Variants in CSGALNACT1 observed in about 807,000 individuals in gnomAD.
The protein encoded by CSGALNACT1 is chondroitin sulfate N-acetylgalactosaminyltransferase 1.
CSGALNACT1 carries 52 observed loss-of-function variants against 51.0 expected under a neutral mutation model. The ratio of observed to expected loss-of-function variants is 1.02; its 90% CI spans 0.82 to 1.29. The LOEUF (loss-of-function observed/expected upper bound fraction) is 1.29. Among genes scored for constraint, CSGALNACT1 ranks in the 50% most tolerant of loss-of-function variants. The pLI is 0.00. For synonymous variants in CSGALNACT1, 341 were observed against 254.4 expected (o/e 1.34, Z -3.24); for missense variants, 935 against 679.2 (o/e 1.38, Z -4.19).
At chr8:19,624,959 G>A (rs2154165315) in intron 1 of CSGALNACT1, among the ~76,000 whole-genome samples, 1 of 152,314 alleles carries the variant, frequency 6.6e-6, no homozygotes, top group African/African-American at 2.4e-5. Flanking sequence ...TTACAGGCGT[G>A]AGCCACTGCA....
Position 19,704,143 on chromosome 8 carries a change from T to C in CSGALNACT1, c.-297+53707A>G, listed in dbSNP as rs1341099447. On this transcript the variant is annotated intron_variant, in intron 1 of 1. Coordinates refer to the CSGALNACT1 transcript ENST00000517494. ...AATTACATAATTACATGGATCATTCTTATTCTCTTCTCTCCCTCCTTTCCT... is the reference window on the plus strand; with the variant it reads ...AATTACATAATTACATGGATCATTCCTATTCTCTTCTCTCCCTCCTTTCCT... Among the ~76,000 whole-genome samples, 37 of 152,214 alleles carry C rather than the reference T, an allele frequency of 2.4e-4. 1 individual carries two copies. Among genetic ancestry groups the C allele is most frequent in the Admixed American group, 2.4e-3 (36 of 15,280 alleles).
intron 5 of CSGALNACT1, among the ~76,000 whole-genome samples, chr8:19,446,520 C>T (rs559346063): frequency 2.0e-5 from 3 of 152,216 alleles, no homozygotes; most frequent in Middle Eastern, 3.4e-3. Context: ...TTCATTCATT[C>T]ATTCACTCAT....
At chr8:19,599,783 G>A (rs1049603859) in intron 2 of CSGALNACT1, among the ~76,000 whole-genome samples, 7 of 152,146 alleles carry the variant, frequency 4.6e-5, no homozygotes, top group African/African-American at 1.7e-4. Flanking sequence ...TATAGACTCA[G>A]GGCTTGAACA....
rs536302848 is a variant in CSGALNACT1, at chr8:19,462,505, T to C, written c.635-3863A>G. 3.6e-4 allele frequency among the ~76,000 whole-genome samples: 55 copies of C among 152,220 alleles called. 1 individual carries two copies. The highest frequency in any genetic ancestry group is 1.3e-3 in the African/African-American group (52 of 41,526). ...TGAAGAACCTAGAGAATGCAGTAAA[T>C]CTTATTCATAACAACTCCTATGAAT... On this transcript the variant is annotated intron_variant, in intron 4 of 9. Coordinates refer to ENST00000454498, the Ensembl canonical transcript of CSGALNACT1.
At chr8:19,495,891 A>G (rs1398976287) in intron 4 of CSGALNACT1, among the ~76,000 whole-genome samples, 2 of 152,198 alleles carry the variant, frequency 1.3e-5, no homozygotes, top group African/African-American at 4.8e-5. Flanking sequence ...AAGGAACAAG[A>G]TATTACCTTT....
chr8:19,528,270 A>T (rs1422829051), intron 3 of CSGALNACT1, among the ~76,000 whole-genome samples: 1 of 151,874 alleles, frequency 6.6e-6, no homozygotes, highest in Non-Finnish European at 1.5e-5. Flanking sequence ...CAGGACTGAG[A>T]AAGAAAAAGA....
intron 1 of CSGALNACT1, among the ~76,000 whole-genome samples, chr8:19,611,895 C>T (rs1589022982): frequency 6.6e-6 from 1 of 151,864 alleles, no homozygotes; most frequent in Admixed American, 6.6e-5. Flanking sequence ...TGACTGTAAA[C>T]GTGGGCAAGC....
At chr8:19,506,762 A>G (rs956905927) in intron 3 of CSGALNACT1, among the ~76,000 whole-genome samples, 3 of 152,152 alleles carry the variant, frequency 2.0e-5, no homozygotes, top group Non-Finnish European at 2.9e-5. Flanking sequence ...CTCCCACCAT[A>G]TAATGCCTGC....
chr8:19,518,423 A>C (rs2079976887), intron 3 of CSGALNACT1, among the ~76,000 whole-genome samples: 1 of 152,064 alleles, frequency 6.6e-6, no homozygotes, highest in Admixed American at 6.5e-5. Context: ...AATCAACTGG[A>C]AAGCTATTTG....
intron 6 of CSGALNACT1, among the ~76,000 whole-genome samples, chr8:19,429,950 G>A (rs1213817878): frequency 6.6e-6 from 1 of 152,180 alleles, no homozygotes; most frequent in East Asian, 1.9e-4. Flanking sequence ...GGTTTCATTT[G>A]CATTTTTCTA....
rs2061763085 is a variant in CSGALNACT1 at position 19,699,778 on chromosome 8, C to T, written c.-297+58072G>A. Among the ~76,000 whole-genome samples the T allele has an allele frequency of 2.6e-5, 4 of 152,270 alleles. No homozygotes were observed. The South Asian group carries it at 8.3e-4, about 32-fold the overall frequency. On this transcript the variant is annotated intron_variant, in intron 1 of 1. Coordinates refer to the CSGALNACT1 transcript ENST00000517494. ...ATTGTACACTTAAACACTGTTAACACTGTAAATTTTATGTTCAGTGTATTT... is the reference window on the plus strand; with the variant it reads ...ATTGTACACTTAAACACTGTTAACATTGTAAATTTTATGTTCAGTGTATTT...
chr8:19,611,890 G>C (rs2052318691), intron 1 of CSGALNACT1, among the ~76,000 whole-genome samples: 1 of 151,972 alleles, frequency 6.6e-6, no homozygotes, highest in Non-Finnish European at 1.5e-5. Flanking sequence ...ACTGATGACT[G>C]TAAACGTGGG....
At chr8:19,626,305 T>A (rs2054449351) in intron 1 of CSGALNACT1, among the ~76,000 whole-genome samples, 1 of 152,080 alleles carries the variant, frequency 6.6e-6, no homozygotes, top group African/African-American at 2.4e-5. Context: ...TAACAAAGAT[T>A]TAAAAAGCAA....
At chr8:19,469,054 A>G (rs1243494310) in intron 4 of CSGALNACT1, among the ~76,000 whole-genome samples, 2 of 152,150 alleles carry the variant, frequency 1.3e-5, no homozygotes, top group African/African-American at 4.8e-5. Context: ...CCTGCTCAAC[A>G]GTGCCAACCA....
chr8:19,559,413 G>A (rs2040202105), intron 3 of CSGALNACT1, among the ~76,000 whole-genome samples: 1 of 152,122 alleles, frequency 6.6e-6, no homozygotes, highest in Non-Finnish European at 1.5e-5. Context: ...GAAATCAGAA[G>A]CAAGACAAAG....
At chr8:19,493,366 T>TAA (rs1425878940) in intron 4 of CSGALNACT1, among the ~76,000 whole-genome samples, 6 of 152,226 alleles carry the variant, frequency 3.9e-5, no homozygotes, top group African/African-American at 9.6e-5. Flanking sequence ...TTCACCCCTT[T>TAA]AAAGCAGACA....
chr8:19,666,200 G>C (rs941558810), intron 1 of CSGALNACT1, among the ~76,000 whole-genome samples: 2 of 152,212 alleles, frequency 1.3e-5, no homozygotes, highest in Admixed American at 1.3e-4. Flanking sequence ...TATTCTAACA[G>C]TGTTCTTGCC....
At chr8:19,533,005 T>G (rs1039538977) in intron 3 of CSGALNACT1, among the ~76,000 whole-genome samples, 4 of 152,250 alleles carry the variant, frequency 2.6e-5, no homozygotes, top group African/African-American at 9.6e-5. Flanking sequence ...CCTTTCCTAA[T>G]TCTGCTCCTT....
chr8:19,407,121 G>A (rs2054369638), intron 9 of CSGALNACT1, among the ~76,000 whole-genome samples: 1 of 152,080 alleles, frequency 6.6e-6, no homozygotes, highest in African/African-American at 2.4e-5. Context: ...GTGTCTGCAG[G>A]GCACCCACCA....
Sources: gnomAD v4.1 joint callset for allele counts (sites outside exome capture counted in the v4.1 genomes callset) on GRCh38, gnomAD v4.1.1 for gene constraint, MANE v1.5 for transcripts, NCBI Gene and HGNC (gene_info 2026-07-23, HGNC 2026-07-21) for gene names.